DENND2B: variants seen among roughly 807,000 people sequenced by gnomAD.
DENND2B encodes DENN domain containing 2B.
In DENND2B, 32 loss-of-function variants were observed where a neutral mutation model predicts 116.0. The observed-to-expected ratio is 0.28, with a 90% CI of 0.21 to 0.37. The LOEUF (loss-of-function observed/expected upper bound fraction) is 0.37, where lower values mean the gene tolerates loss of function less well. DENND2B is among the 10% of genes least tolerant of loss of function. The pLI is 1.00. For synonymous variants in DENND2B, 588 were observed against 583.9 expected (o/e 1.01, Z -0.10); for missense variants, 1,276 against 1,477.7 (o/e 0.86, Z 2.24).
chr11:8,718,096 A>AACCCCCCCCCCCCCCCCCCCCC, intron 4 of DENND2B: 2 of 65,006 alleles, frequency 3.1e-5, no homozygotes, highest in South Asian at 1.1e-4. Context: ...AAGCAGACCC[A>AACCCCCCCCCCCCCCCCCCCCC]CCCCCCCACC....
intron 1 of DENND2B, chr11:8,768,916 T>C (rs1033498809): frequency 6.6e-6 from 1 of 152,242 alleles, no homozygotes; most frequent in Non-Finnish European, 1.5e-5. Context: ...TTCTGTTCAG[T>C]GACCTATAAT....
At chr11:8,749,037 ACACAATCACATATATTTGTTT>A (rs2051841625) in intron 2 of DENND2B, among the ~76,000 whole-genome samples, 1 of 152,192 alleles carries the variant, frequency 6.6e-6, no homozygotes, top group Non-Finnish European at 1.5e-5. Context: ...AAATAAAATG[ACACAATCACATATATTTGTTT>A]CACTCCTACA....
intron 2 of DENND2B, among the ~76,000 whole-genome samples, chr11:8,742,028 G>A (rs1338301787): frequency 2.6e-5 from 4 of 152,180 alleles, no homozygotes; most frequent in East Asian, 1.9e-4. Context: ...GTAGCTGGGA[G>A]CACAGGTGCA....
chr11:8,842,289 C>T (rs185971573), intron 3 of DENND2B, among the ~76,000 whole-genome samples: 1 of 152,162 alleles, frequency 6.6e-6, no homozygotes, highest in Non-Finnish European at 1.5e-5. Context: ...GAATCAAAGT[C>T]GTGCAGTGTC....
chr11:8,757,639 C>T (rs767946767), intron 1 of DENND2B, among the ~76,000 whole-genome samples: 14 of 152,208 alleles, frequency 9.2e-5, no homozygotes, highest in Non-Finnish European at 1.9e-4. Context: ...GTTACAAGCA[C>T]TTCATGTGTA....
chr11:8,865,403 T>A lies in DENND2B; in HGVS notation c.-250+5551A>T, dbSNP rs184172524. 9.9e-4 allele frequency among the ~76,000 whole-genome samples: 150 copies of A among 152,284 alleles called. 2 individuals are homozygous for A. In the East Asian group the frequency reaches 0.027, roughly 27 times the overall value. ...AGTTTGAAAGCTCTAATTGCCAACA[T>A]ATCTGATATGAACTTCCTGCATAAA... On this transcript the variant is annotated intron_variant, in intron 2 of 6. Coordinates refer to the DENND2B transcript ENST00000524757.
chr11:8,893,447 G>A (rs1285761982), intron 1 of DENND2B, among the ~76,000 whole-genome samples: 8 of 152,182 alleles, frequency 5.3e-5, no homozygotes, highest in Non-Finnish European at 4.4e-5. Context: ...AGGAAAAGAA[G>A]AAGTCAAATT....
At chr11:8,726,435 T>G in intron 3 of DENND2B, 1 of 466,086 alleles carries the variant, frequency 2.1e-6, no homozygotes, top group Non-Finnish European at 3.8e-6. Context: ...ATACCGCTAT[T>G]AGATAACAAC....
intron 2 of DENND2B, among the ~76,000 whole-genome samples, chr11:8,737,206 A>C (rs967415845): frequency 2.0e-5 from 3 of 152,180 alleles, no homozygotes; most frequent in Non-Finnish European, 4.4e-5. Context: ...AATATTTAAA[A>C]CCATGTGGCC....
At chr11:8,809,495 C>T (rs1487447392) in intron 1 of DENND2B, 1 of 152,164 alleles carries the variant, frequency 6.6e-6, no homozygotes. Flanking sequence ...CCTGATGGGT[C>T]TCCGTTGCAG....
At chr11:8,829,155 T>G (rs1264565174) in intron 4 of DENND2B, among the ~76,000 whole-genome samples, 3 of 150,316 alleles carry the variant, frequency 2.0e-5, no homozygotes, top group African/African-American at 7.4e-5. Context: ...GGTGTGTGTG[T>G]GGTGTGTAGT....
chr11:8,699,138 A>G, intron 15 of DENND2B, 75 bp downstream of exon 15: 1 of 1,514,384 alleles, frequency 6.6e-7, no homozygotes, highest in Non-Finnish European at 8.8e-7. Context: ...AAAGAGGCCG[A>G]GGGGCCACAA....
intron 1 of DENND2B, among the ~76,000 whole-genome samples, chr11:8,759,602 G>A (rs900484183): frequency 5.3e-5 from 8 of 152,206 alleles, no homozygotes; most frequent in African/African-American, 1.7e-4. Flanking sequence ...GTGGGAATGG[G>A]AACAGAGCTC....
intron 1 of DENND2B, among the ~76,000 whole-genome samples, chr11:8,889,334 G>A (rs567453974): frequency 1.7e-3 from 266 of 152,328 alleles, no homozygotes; most frequent in African/African-American, 6.2e-3. Flanking sequence ...GAAGACGGGT[G>A]ATTTCTGCAT....
At chr11:8,867,079 G>A (rs1354061899) in intron 2 of DENND2B, among the ~76,000 whole-genome samples, 5 of 152,246 alleles carry the variant, frequency 3.3e-5, no homozygotes, top group African/African-American at 9.6e-5. Context: ...CCCCTCCTTA[G>A]TGAGCCCTCC....
chr11:8,822,746 C>T (rs1346402767), intron 4 of DENND2B, among the ~76,000 whole-genome samples: 2 of 152,190 alleles, frequency 1.3e-5, no homozygotes, highest in African/African-American at 2.4e-5. Context: ...CCTCCTTTCC[C>T]TACCAAGCTA....
intron 2 of DENND2B, among the ~76,000 whole-genome samples, chr11:8,744,350 T>C (rs1316604695): frequency 2.0e-5 from 3 of 152,092 alleles, no homozygotes; most frequent in African/African-American, 7.2e-5. Context: ...GTCAGGCTGG[T>C]CTCGAACTCC....
intron 1 of DENND2B, among the ~76,000 whole-genome samples, chr11:8,886,309 T>A (rs569541747): frequency 6.6e-6 from 1 of 152,318 alleles, no homozygotes; most frequent in South Asian, 2.1e-4. Context: ...AGTGAAGCAC[T>A]AAAACATATC....
At chr11:8,870,561 A>G (rs1051078906) in intron 2 of DENND2B, among the ~76,000 whole-genome samples, 1 of 151,766 alleles carries the variant, frequency 6.6e-6, no homozygotes, top group Non-Finnish European at 1.5e-5. Context: ...GAGCCTGCAT[A>G]CAAGCTGCAA....
Sources: gnomAD v4.1 joint callset for allele counts (sites outside exome capture counted in the v4.1 genomes callset) on GRCh38, gnomAD v4.1.1 for gene constraint, MANE v1.5 for transcripts, NCBI Gene and HGNC (gene_info 2026-07-23, HGNC 2026-07-21) for gene names.